KIRREL3: variants seen among roughly 807,000 people sequenced by gnomAD.
KIRREL3 encodes the protein kirre like nephrin family adhesion molecule 3.
A neutral mutation model predicts 89.7 loss-of-function variants in KIRREL3; 36 were observed. That is an observed-to-expected ratio of 0.40 (90% CI 0.31 to 0.53). The LOEUF (loss-of-function observed/expected upper bound fraction) is 0.53, where lower values mean the gene tolerates loss of function less well. Ranked by LOEUF, KIRREL3 falls within the 20% of genes least tolerant of loss-of-function variation. KIRREL3 has a pLI of 0.49. For synonymous variants in KIRREL3, 445 were observed against 441.4 expected (o/e 1.01, Z -0.10); for missense variants, 864 against 1,056.6 (o/e 0.82, Z 2.53).
Position 126,570,947 on chromosome 11 carries a change from C to T in KIRREL3, c.56-8035G>A, listed in dbSNP as rs753868033. On this transcript the variant is annotated intron_variant, in intron 1 of 16. Coordinates refer to ENST00000525144, the MANE Select transcript of KIRREL3 (RefSeq NM_032531.4). The surrounding 1 kb of genome is among the most constrained non-coding windows in gnomAD (Gnocchi z 6.1). Reference sequence around the variant, plus strand: ...TTTAACTTTTCTCATCTCGTTTCACCCTCACAACACCTTTATGATCACAGG... The same window carrying T: ...TTTAACTTTTCTCATCTCGTTTCACTCTCACAACACCTTTATGATCACAGG... Among the ~76,000 whole-genome samples the T allele has an allele frequency of 6.6e-6, 1 of 152,156 alleles. No homozygotes were observed. The highest frequency in any genetic ancestry group is 1.9e-4 in the East Asian group (1 of 5,202).
intron 1 of KIRREL3, among the ~76,000 whole-genome samples, chr11:126,770,827 G>A (rs1057002074): frequency 3.3e-5 from 5 of 152,120 alleles, no homozygotes; most frequent in Non-Finnish European, 7.4e-5. Context: ...GAAAGAGGAA[G>A]GAGCATTTAC....
chr11:126,751,745 G>C (rs1949344759), intron 1 of KIRREL3, among the ~76,000 whole-genome samples: 1 of 152,132 alleles, frequency 6.6e-6, no homozygotes, highest in Non-Finnish European at 1.5e-5. Flanking sequence ...AACCATAGAG[G>C]AGAAAAAGAG....
At chr11:126,916,756 A>C (rs532513713) in intron 1 of KIRREL3, among the ~76,000 whole-genome samples, 1 of 152,244 alleles carries the variant, frequency 6.6e-6, no homozygotes, top group African/African-American at 2.4e-5. Context: ...GGTTTCGAAA[A>C]GAGATTTTGG....
rs536247309 is a variant in KIRREL3 at position 126,569,983 on chromosome 11, A to C, written c.56-7071T>G. On this transcript the variant is annotated intron_variant, in intron 1 of 16. Coordinates refer to ENST00000525144, the MANE Select transcript of KIRREL3 (RefSeq NM_032531.4). This position sits in a 1 kb window ranked among gnomAD's most constrained non-coding sequence, Gnocchi z 6.5. Reference sequence around the variant, plus strand: ...TCCTATTTTCAGCATAATTACTCATATCCCAGGCAATAATAATGCCCATAC... The same window carrying C: ...TCCTATTTTCAGCATAATTACTCATCTCCCAGGCAATAATAATGCCCATAC... 6.6e-6 allele frequency among the ~76,000 whole-genome samples: 1 copy of C among 152,266 alleles called. No homozygotes were observed. Among genetic ancestry groups the C allele is most frequent in the South Asian group, 2.1e-4 (1 of 4,820 alleles).
intron 1 of KIRREL3, among the ~76,000 whole-genome samples, chr11:126,927,624 C>G (rs192818632): frequency 1.5e-4 from 23 of 152,324 alleles, no homozygotes; most frequent in Admixed American, 1.3e-3. Flanking sequence ...TTTTACTAAG[C>G]CATCTAACAA....
chr11:126,695,494 C>G (rs977180519), intron 1 of KIRREL3, among the ~76,000 whole-genome samples: 4 of 152,006 alleles, frequency 2.6e-5, no homozygotes, highest in Non-Finnish European at 4.4e-5. Context: ...TTAGTCCCTG[C>G]CACATTTCCC....
intron 1 of KIRREL3, among the ~76,000 whole-genome samples, chr11:126,698,355 C>T (rs1591980437): frequency 6.6e-6 from 1 of 152,312 alleles, no homozygotes; most frequent in East Asian, 1.9e-4. Flanking sequence ...CCCAGGCCTG[C>T]TAAGACTCTA....
At chr11:126,895,453 A>G (rs1408136125) in intron 1 of KIRREL3, among the ~76,000 whole-genome samples, 1 of 147,248 alleles carries the variant, frequency 6.8e-6, no homozygotes, top group African/African-American at 2.5e-5. Flanking sequence ...TGTCTCTTAA[A>G]AAAAAAAAAA....
intron 1 of KIRREL3, among the ~76,000 whole-genome samples, chr11:126,820,575 A>G (rs1357562148): frequency 6.6e-6 from 1 of 152,188 alleles, no homozygotes; most frequent in Non-Finnish European, 1.5e-5. Flanking sequence ...GGAGCAGAAA[A>G]ACTTAAAGCA....
chr11:126,722,392 G>A (rs1447138053), intron 1 of KIRREL3, among the ~76,000 whole-genome samples: 2 of 152,152 alleles, frequency 1.3e-5, no homozygotes, highest in Non-Finnish European at 2.9e-5. Flanking sequence ...AACATTTCTT[G>A]TATGTATTTA....
chr11:126,863,587 GTGTT>G (rs1397839410), intron 1 of KIRREL3, among the ~76,000 whole-genome samples: 10 of 147,736 alleles, frequency 6.8e-5, no homozygotes, highest in East Asian at 4.0e-4. Flanking sequence ...GTGTGAGTGT[GTGTT>G]TGAGTGCGTG....
At position 126,802,469 on chromosome 11, in the gene KIRREL3, G is replaced by A. The variant is rs894488986; in HGVS notation, c.55+197986C>T. Among the ~76,000 whole-genome samples the A allele has an allele frequency of 1.4e-4, 21 of 152,158 alleles. No homozygotes were observed. Among genetic ancestry groups the A allele is most frequent in the South Asian group, 8.3e-4 (4 of 4,824 alleles). On this transcript the variant is annotated intron_variant, in intron 1 of 16. Transcript: ENST00000525144. This position sits in a 1 kb window ranked among gnomAD's most constrained non-coding sequence, Gnocchi z 5.2. ...CTGGGTCCATAGTCTGTGTGGCGTC[G>A]TTCTTCTCATGTCTGCGTGGATTTT...
intron 1 of KIRREL3, among the ~76,000 whole-genome samples, chr11:126,939,752 A>G (rs1201368560): frequency 6.6e-6 from 1 of 152,140 alleles, no homozygotes; most frequent in Non-Finnish European, 1.5e-5. Context: ...TATATGATTG[A>G]GTCAGCATTT....
In KIRREL3 at chr11:126,526,519, G is replaced by C. The variant is rs762205616; in HGVS notation, c.283+19C>G. On this transcript the variant is annotated intron_variant, in intron 3 of 16. Coordinates refer to ENST00000525144, the MANE Select transcript of KIRREL3 (RefSeq NM_032531.4). The surrounding 1 kb of genome is among the most constrained non-coding windows in gnomAD (Gnocchi z 5.7). ...AGTGATGGCCCCAGGCCCACCCCAG[G>C]AGGTCTGGAGGTACTCACTTGAGAG... is the stretch of plus-strand genomic sequence containing the variant. 1 of 1,602,140 alleles carries C rather than the reference G, an allele frequency of 6.2e-7. No homozygotes were observed. The highest frequency in any genetic ancestry group is 1.3e-5 in the African/African-American group (1 of 74,850).
intron 1 of KIRREL3, among the ~76,000 whole-genome samples, chr11:126,745,153 C>A (rs990356753): frequency 1.3e-4 from 20 of 152,128 alleles, no homozygotes; most frequent in African/African-American, 4.8e-4. Context: ...AGTCTCCCGG[C>A]CACACATACT....
chr11:126,545,054 C>T (rs1372802342), intron 2 of KIRREL3, among the ~76,000 whole-genome samples: 1 of 152,180 alleles, frequency 6.6e-6, no homozygotes, highest in African/African-American at 2.4e-5. Context: ...TTATCTGCTT[C>T]ATATTTGTGC....
At chr11:126,765,407 C>A (rs1320171220) in intron 1 of KIRREL3, among the ~76,000 whole-genome samples, 2 of 152,152 alleles carry the variant, frequency 1.3e-5, no homozygotes, top group Non-Finnish European at 2.9e-5. Context: ...ACGAAACCAG[C>A]AACCCACTGC....
rs528742360 is a variant in KIRREL3, at chr11:126,623,876, A to G, written c.56-60964T>C. Among the ~76,000 whole-genome samples, 324 of 152,202 alleles carry G rather than the reference A, an allele frequency of 2.1e-3. 1 individual carries two copies. Among genetic ancestry groups the G allele is most frequent in the African/African-American group, 7.6e-3 (314 of 41,532 alleles). ...GCAATAAACGTTATGCCTCTCCCCA[A>G]CCCCAGTCCAGAAGGGGCTGGCAGG... On this transcript the variant is annotated intron_variant, in intron 1 of 16. Coordinates refer to ENST00000525144, the MANE Select transcript of KIRREL3 (RefSeq NM_032531.4). This position sits in a 1 kb window ranked among gnomAD's most constrained non-coding sequence, Gnocchi z 4.1.
rs984009859 is a variant in KIRREL3, at chr11:126,535,508, G to A, written c.134-8821C>T. 2.0e-5 allele frequency among the ~76,000 whole-genome samples: 3 copies of A among 152,222 alleles called. No homozygotes were observed. The highest frequency in any genetic ancestry group is 1.9e-4 in the East Asian group (1 of 5,172). ...GAAGAGTCATTTTGCCATGGAAGGC[G>A]CAGATTACAAGGGCCACGTCACTCG... On this transcript the variant is annotated intron_variant, in intron 2 of 16. Transcript: ENST00000525144. The surrounding 1 kb of genome is among the most constrained non-coding windows in gnomAD (Gnocchi z 4.5).
Sources: gnomAD v4.1 joint callset for allele counts (sites outside exome capture counted in the v4.1 genomes callset) on GRCh38, gnomAD v4.1.1 for gene constraint, Gnocchi (gnomAD v3.1) non-coding constraint, MANE v1.5 for transcripts, NCBI Gene and HGNC (gene_info 2026-07-23, HGNC 2026-07-21) for gene names.